Variants in FOXRED2 observed in about 807,000 individuals in gnomAD.
FOXRED2 encodes FAD-dependent oxidoreductase domain-containing protein 2.
In FOXRED2, 32 loss-of-function variants were observed where a neutral mutation model predicts 52.5. That is an observed-to-expected ratio of 0.61 (90% CI 0.46 to 0.82). FOXRED2 has a LOEUF of 0.82. Ranked by LOEUF, FOXRED2 falls within the 40% of genes least tolerant of loss-of-function variation. FOXRED2 has a pLI of 0.00. For missense variants in FOXRED2, 848 were observed against 937.5 expected (o/e 0.90, Z 1.25); for synonymous variants, 405 against 398.1 (o/e 1.02, Z -0.21).
chr22:36,500,907 T>G (rs1043365322), intron 5 of FOXRED2, among the ~76,000 whole-genome samples: 1 of 151,016 alleles, frequency 6.6e-6, no homozygotes, highest in African/African-American at 2.4e-5. Flanking sequence ...ATTTTATTTT[T>G]GAGACCAAGT....
chr22:36,501,849 G>A (rs1056912171), intron 4 of FOXRED2, among the ~76,000 whole-genome samples: 1 of 152,138 alleles, frequency 6.6e-6, no homozygotes, highest in South Asian at 2.1e-4. Context: ...ACCCCAGGAG[G>A]TGGGTATTAT....
chr22:36,494,306 T>C (rs2011107), intron 7 of FOXRED2, among the ~76,000 whole-genome samples: 42,397 of 151,902 alleles, frequency 0.28, 7,014 homozygotes, highest in African/African-American at 0.47. Flanking sequence ...TTCGTAGAGA[T>C]GGGGTTTCTA....
intron 4 of FOXRED2, among the ~76,000 whole-genome samples, chr22:36,502,539 G>A (rs1213945179): frequency 6.6e-6 from 1 of 152,032 alleles, no homozygotes; most frequent in African/African-American, 2.4e-5. Flanking sequence ...GCTATTCACA[G>A]GCATGATCAT....
Position 36,488,143 on chromosome 22 carries a change from G to A in FOXRED2, c.*1865C>T, listed in dbSNP as rs758442426. 1 of 151,582 alleles carries A rather than the reference G, an allele frequency of 6.6e-6. No homozygotes were observed. The highest frequency in any genetic ancestry group is 1.5e-5 in the Non-Finnish European group (1 of 67,978). The allele number at this position is 151,582 out of a possible 1,614,324, so 9.4% of individuals were successfully genotyped here. ...AGTCTGGACCAAGCCAAGAGGGGAA[G>A]AGGACGTCCCCATGAAAGAGCTTTG... On this transcript the variant is annotated 3_prime_UTR_variant, in exon 9 of 9. Transcript: ENST00000397224.
intron 6 of FOXRED2, 132 bp downstream of exon 6, chr22:36,497,859 G>A: frequency 1.0e-6 from 1 of 981,866 alleles, no homozygotes; most frequent in Non-Finnish European, 1.5e-6. Flanking sequence ...CCCCAGAACA[G>A]GCATGTTCCC....
chr22:36,490,856 T>C lies in FOXRED2; in HGVS notation c.1796-589A>G, dbSNP rs543746314. Among the ~76,000 whole-genome samples the C allele has an allele frequency of 9.1e-4, 138 of 152,322 alleles. No individual in the cohort carries two copies. In the Middle Eastern group the frequency reaches 0.01, roughly 11 times the overall value. On this transcript the variant is annotated intron_variant, in intron 8 of 8. Coordinates refer to ENST00000397224, the MANE Select transcript of FOXRED2 (RefSeq NM_001102371.2). ...ATAAGATAGCTGTGGATACTTATCA[T>C]GTAGAAATATGAAGAAACGGCCGGG...
rs767931955 is a variant in FOXRED2, at chr22:36,496,120, C to T, written c.1471G>A (p.Gly491Arg). ...ETLTGRKAKH[G>R]LFVINMEYGR... is the part of the protein sequence containing the mutation. ...TATTCCATGTTGATGACGAAGAGCCCGTGCTTTGCCTTCCTCCCTGTGAGT... is the reference window on the plus strand; with the variant it reads ...TATTCCATGTTGATGACGAAGAGCCTGTGCTTTGCCTTCCTCCCTGTGAGT... Residue 491 changes from glycine to arginine, a missense_variant, in exon 7 of 9, where the codon GGG becomes AGG. Physicochemically the swap from Gly to Arg is moderately radical, Grantham distance 125 (BLOSUM62 -2). Coordinates refer to ENST00000397224, the MANE Select transcript of FOXRED2 (RefSeq NM_001102371.2). The T allele has an allele frequency of 7.3e-5, 118 of 1,614,090 alleles. No homozygotes were observed. Among genetic ancestry groups the T allele is most frequent in the Non-Finnish European group, 9.7e-5 (114 of 1,180,058 alleles).
chr22:36,501,113 A>C lies in FOXRED2; in HGVS notation c.1216+128T>G. The C allele has an allele frequency of 4.1e-6, 4 of 983,456 alleles. No homozygotes were observed. In the South Asian group the frequency reaches 6.3e-5, roughly 15 times the overall value. The allele number at this position is 983,456 out of a possible 1,614,324, so 60.9% of individuals were successfully genotyped here. On this transcript the variant is annotated intron_variant, in intron 5 of 8. Transcript: ENST00000397224. ...AAACCTGTTGTCACTTCCCCAAGAC[A>C]ATTTATGACAATGAGCTACTGACAA...
In FOXRED2 at chr22:36,504,675, C is replaced by G. The variant is rs1374397863; in HGVS notation, c.619G>C (p.Asp207His). The part of the protein sequence containing the change: ...YAEGYESVSV[D>H]PEDFVGQNVL... Reference sequence around the variant, plus strand: ...TTCTGGCCTACAAAGTCCTCAGGGTCCACGGACACGGACTCGTAACCCTCT... The same window carrying G: ...TTCTGGCCTACAAAGTCCTCAGGGTGCACGGACACGGACTCGTAACCCTCT... Residue 207 changes from aspartate (D) to histidine (H), a missense_variant, in exon 3 of 9, where the codon GAC becomes CAC. Physicochemically the swap from Asp to His is moderately conservative, Grantham distance 81. Coordinates refer to ENST00000397224, the MANE Select transcript of FOXRED2 (RefSeq NM_001102371.2). 1.2e-6 allele frequency: 2 copies of G among 1,614,070 alleles called. No homozygotes were observed. The highest frequency in any genetic ancestry group is 8.5e-7 in the Non-Finnish European group (1 of 1,180,044).
rs1188793961 is a variant in FOXRED2, at chr22:36,488,268, T to C, written c.*1740A>G. On this transcript the variant is annotated 3_prime_UTR_variant, in exon 9 of 9. Coordinates refer to ENST00000397224, the MANE Select transcript of FOXRED2 (RefSeq NM_001102371.2). ...TTTTTTATTTTTTTGAGATGGGGTGTGGGGGCTTTACTGTGGGTCTTGCTT... is the reference window on the plus strand; with the variant it reads ...TTTTTTATTTTTTTGAGATGGGGTGCGGGGGCTTTACTGTGGGTCTTGCTT... 1 of 152,146 alleles carries C rather than the reference T, an allele frequency of 6.6e-6. No homozygotes were observed. Among genetic ancestry groups the C allele is most frequent in the Non-Finnish European group, 1.5e-5 (1 of 68,044 alleles). 9.4% of individuals were successfully genotyped at this position (152,146 alleles called of 1,614,324 possible). A position where few individuals can be genotyped will look rare whatever the true frequency, so the allele number is the denominator to read the frequency against.
rs1934031685 is a variant in FOXRED2, at chr22:36,501,182, C to G, written c.1216+59G>C. The G allele has an allele frequency of 3.2e-6, 5 of 1,560,614 alleles. No individual in the cohort carries two copies. The East Asian group carries it at 6.8e-5, about 21-fold the overall frequency. ...TGGACATAGGAGTAGATTTATAAAC[C>G]CTGGGATGCTGAGAGTGGTTCCGTC... On this transcript the variant is annotated intron_variant, in intron 5 of 8. Coordinates refer to ENST00000397224, the MANE Select transcript of FOXRED2 (RefSeq NM_001102371.2).
At chr22:36,498,737 G>A (rs1432290176) in intron 5 of FOXRED2, among the ~76,000 whole-genome samples, 1 of 151,930 alleles carries the variant, frequency 6.6e-6, no homozygotes, top group African/African-American at 2.4e-5. Flanking sequence ...TTGAGACAGG[G>A]TCTCGCTCTG....
Position 36,493,677 on chromosome 22 carries a change from A to G in FOXRED2, c.1751T>C (p.Phe584Ser), listed in dbSNP as rs1437904067. The change falls in exon 8 of 9, where the codon TTC (phenylalanine) becomes TCC (serine). Residue 584 changes from phenylalanine (F) to serine (S), a missense_variant. Coordinates refer to ENST00000397224, the MANE Select transcript of FOXRED2 (RefSeq NM_001102371.2). ...PIGHILPLRRFLENCLDTDLR... is the reference protein window; with the variant it reads ...PIGHILPLRRSLENCLDTDLR... ...ATCGGTGTCCAAACAGTTCTCCAGG[A>G]AGCGCCTCAGAGGTAGGATGTGCCC... The G allele has an allele frequency of 1.2e-6, 2 of 1,614,086 alleles. No individual in the cohort carries two copies. The highest frequency in any genetic ancestry group is 1.7e-6 in the Non-Finnish European group (2 of 1,180,028).
intron 2 of FOXRED2, among the ~76,000 whole-genome samples, chr22:36,505,490 C>T (rs1057052663): frequency 5.3e-5 from 8 of 152,146 alleles, no homozygotes; most frequent in African/African-American, 9.7e-5. Flanking sequence ...AATTGAAGGC[C>T]GGGTGCGGTG....
chr22:36,497,115 C>A (rs967092710), intron 6 of FOXRED2, among the ~76,000 whole-genome samples: 25 of 151,848 alleles, frequency 1.6e-4, no homozygotes, highest in African/African-American at 6.1e-4. Context: ...GGGAGGTGGG[C>A]TGCAGTGAGC....
At position 36,488,238 on chromosome 22, in the gene FOXRED2, TTTTA is replaced by T. The variant is rs1241875050; in HGVS notation, c.*1766_*1769del. The T allele has an allele frequency of 4.6e-5, 7 of 152,114 alleles. No homozygotes were observed. Among genetic ancestry groups the T allele is most frequent in the African/African-American group, 1.7e-4 (7 of 41,412 alleles). 9.4% of individuals were successfully genotyped at this position (152,114 alleles called of 1,614,324 possible). ...TTTTGTTGTAGCATACTTTGTTCTT[TTTTA>T]TTTTTTATTTTTTTGAGATGGGGTG... On this transcript the variant is annotated 3_prime_UTR_variant, in exon 9 of 9. Transcript: ENST00000397224.
chr22:36,503,316 CTTTTTTT>C (rs201708922), intron 4 of FOXRED2, among the ~76,000 whole-genome samples: 4 of 138,090 alleles, frequency 2.9e-5, no homozygotes, highest in Non-Finnish European at 6.3e-5. Flanking sequence ...ATTCTTCTTT[CTTTTTTT>C]TTTTTTTTGA....
In FOXRED2 at chr22:36,489,900, T is replaced by C; in HGVS notation, c.*108A>G. 2.5e-6 allele frequency: 3 copies of C among 1,194,594 alleles called. No homozygotes were observed. The South Asian group carries it at 4.9e-5, about 19-fold the overall frequency. 74.0% of individuals were successfully genotyped at this position (1,194,594 alleles called of 1,614,324 possible). A position where few individuals can be genotyped will look rare whatever the true frequency, so the allele number is the denominator to read the frequency against. On this transcript the variant is annotated 3_prime_UTR_variant, in exon 9 of 9. Transcript: ENST00000397224. ...GACACTGCCATGATCTGAGTGGTCT[T>C]TGGCAATCACGCATTGGCGGGAGTG...
At chr22:36,503,955 G>T in intron 4 of FOXRED2, 143 bp downstream of exon 4, 1 of 958,360 alleles carries the variant, frequency 1.0e-6, no homozygotes, top group Non-Finnish European at 1.6e-6. Context: ...GTCCTGGAGG[G>T]AAATCAGGCA....
Sources: allele counts gnomAD v4.1 joint callset (sites outside exome capture counted in the v4.1 genomes callset), GRCh38; gene constraint gnomAD v4.1.1; transcripts MANE v1.5; gene names NCBI Gene and HGNC (gene_info 2026-07-23, HGNC 2026-07-21).